The following CLSTN2 variants were observed in gnomAD, a reference collection of about 807,000 sequenced individuals.
CLSTN2 encodes the protein calsyntenin 2.
Under a neutral mutation model 101.2 loss-of-function variants are expected in CLSTN2, and 48 were observed. The observed-to-expected ratio is 0.47, with a 90% CI of 0.38 to 0.60. CLSTN2 has a LOEUF of 0.60. Among genes scored for constraint, CLSTN2 ranks in the 20% least tolerant of loss-of-function variants. The pLI, the probability that CLSTN2 is intolerant of heterozygous loss-of-function variation, is 0.00. For missense variants in CLSTN2, 1,160 were observed against 1,238.2 expected, an observed-to-expected ratio of 0.94 and a Z score of 0.95; for synonymous variants, 481 against 463.6, an observed-to-expected ratio of 1.04 and a Z score of -0.48.
chr3:140,203,880 G>A (rs1305401369), intron 2 of CLSTN2, among the ~76,000 whole-genome samples: 3 of 152,174 alleles, frequency 2.0e-5, no homozygotes, highest in Admixed American at 1.3e-4. Context: ...GCAAGATTCT[G>A]TCTAATTGGC....
intron 6 of CLSTN2, among the ~76,000 whole-genome samples, chr3:140,454,124 T>C (rs530551487): frequency 9.9e-5 from 15 of 152,218 alleles, no homozygotes; most frequent in Non-Finnish European, 1.6e-4. Context: ...CATACAACAG[T>C]GAAGGGCTGC....
chr3:140,231,593 G>A (rs2086372440), intron 2 of CLSTN2, among the ~76,000 whole-genome samples: 1 of 152,182 alleles, frequency 6.6e-6, no homozygotes. Flanking sequence ...ATAGAGGCCT[G>A]TATTCCTCTC....
At chr3:140,118,466 G>T (rs552919169) in intron 1 of CLSTN2, among the ~76,000 whole-genome samples, 1 of 152,302 alleles carries the variant, frequency 6.6e-6, no homozygotes, top group East Asian at 1.9e-4. Context: ...AAAGAGGAAT[G>T]CTCTGGAGGA....
chr3:140,182,056 G>C (rs2010416011), intron 2 of CLSTN2, among the ~76,000 whole-genome samples: 2 of 152,150 alleles, frequency 1.3e-5, no homozygotes, highest in South Asian at 4.1e-4. Flanking sequence ...CCAGGAGAAA[G>C]GTGCAGCTTG....
chr3:140,022,343 C>T (rs890490631), intron 1 of CLSTN2, among the ~76,000 whole-genome samples: 1 of 152,246 alleles, frequency 6.6e-6, no homozygotes, highest in African/African-American at 2.4e-5. Flanking sequence ...TGAGAGAGAA[C>T]ACTCCTGCCA....
intron 1 of CLSTN2, among the ~76,000 whole-genome samples, chr3:139,999,711 C>T (rs1393245915): frequency 6.6e-6 from 1 of 152,134 alleles, no homozygotes; most frequent in East Asian, 1.9e-4. Flanking sequence ...TTTGGTCTGA[C>T]ATATCTGTTA....
In CLSTN2 at chr3:140,292,196, C is replaced by A. The variant is rs368544876; in HGVS notation, c.233-111433C>A. 4.6e-5 allele frequency among the ~76,000 whole-genome samples: 7 copies of A among 152,262 alleles called. No individual in the cohort carries two copies. In the South Asian group the frequency reaches 1.5e-3, roughly 32 times the overall value. Reference sequence around the variant, plus strand: ...CCTTTCCTTGCTCAGGACACCCAAACCCTCTCACCTCTCTCCATTCCTCCA... The same window carrying A: ...CCTTTCCTTGCTCAGGACACCCAAAACCTCTCACCTCTCTCCATTCCTCCA... On this transcript the variant is annotated intron_variant, in intron 2 of 16. Transcript: ENST00000458420.
intron 8 of CLSTN2, among the ~76,000 whole-genome samples, chr3:140,532,030 T>C (rs1418615157): frequency 1.3e-5 from 2 of 152,136 alleles, no homozygotes; most frequent in Non-Finnish European, 2.9e-5. Context: ...TAGGACCCAC[T>C]TGTGGTTCTT....
At chr3:140,122,426 T>C (rs893780554) in intron 1 of CLSTN2, among the ~76,000 whole-genome samples, 1 of 152,224 alleles carries the variant, frequency 6.6e-6, no homozygotes, top group East Asian at 1.9e-4. Context: ...TGATAACCAC[T>C]AATGGAATCA....
chr3:140,561,652 C>A (rs1051290979), intron 12 of CLSTN2, among the ~76,000 whole-genome samples: 2 of 152,166 alleles, frequency 1.3e-5, no homozygotes, highest in Admixed American at 1.3e-4. Flanking sequence ...AGTGCTTCTG[C>A]CCTTCAGGAT....
intron 9 of CLSTN2, among the ~76,000 whole-genome samples, chr3:140,535,887 T>C (rs1372031451): frequency 1.3e-5 from 2 of 152,236 alleles, no homozygotes; most frequent in African/African-American, 2.4e-5. Flanking sequence ...TATGTAATTA[T>C]GTCTGGAAAA....
At chr3:140,274,894 C>G (rs373626219) in intron 2 of CLSTN2, among the ~76,000 whole-genome samples, 1 of 152,344 alleles carries the variant, frequency 6.6e-6, no homozygotes, top group Admixed American at 6.5e-5. Flanking sequence ...ACAGCCACTT[C>G]TGGCGAGCAT....
rs568921496 is a variant in CLSTN2, at chr3:140,321,157, A to G, written c.233-82472A>G. ...GGAAAAGATAGCTTCCCTTGGCTGT[A>G]TGATTCTATTCTGGGCAGAGTGCAG... On this transcript the variant is annotated intron_variant, in intron 2 of 16. Coordinates refer to ENST00000458420, the MANE Select transcript of CLSTN2 (RefSeq NM_022131.3). Among the ~76,000 whole-genome samples the G allele has an allele frequency of 2.6e-5, 4 of 152,288 alleles. No individual in the cohort carries two copies. The East Asian group carries it at 5.8e-4, about 22-fold the overall frequency.
At chr3:140,063,815 G>A (rs1481189622) in intron 1 of CLSTN2, among the ~76,000 whole-genome samples, 1 of 152,060 alleles carries the variant, frequency 6.6e-6, no homozygotes, top group African/African-American at 2.4e-5. Context: ...AGCCTCAGTT[G>A]ATTTATCTGT....
At chr3:140,369,615 C>A (rs1048010965) in intron 2 of CLSTN2, among the ~76,000 whole-genome samples, 2 of 152,110 alleles carry the variant, frequency 1.3e-5, no homozygotes, top group African/African-American at 4.8e-5. Context: ...GTCCTTTCAA[C>A]TTCTGCTTGG....
At chr3:140,082,334 G>A (rs1387947070) in intron 1 of CLSTN2, among the ~76,000 whole-genome samples, 1 of 152,164 alleles carries the variant, frequency 6.6e-6, no homozygotes, top group African/African-American at 2.4e-5. Context: ...GCTGGCAGGG[G>A]GAATGATGGG....
chr3:140,550,827 T>C (rs1935686731), intron 10 of CLSTN2, among the ~76,000 whole-genome samples: 1 of 151,122 alleles, frequency 6.6e-6, no homozygotes, highest in Admixed American at 6.6e-5. Context: ...TTTTATAACC[T>C]TTTTATAACC....
chr3:140,527,166 A>T (rs1002510449), intron 8 of CLSTN2, among the ~76,000 whole-genome samples: 4 of 152,198 alleles, frequency 2.6e-5, no homozygotes, highest in Non-Finnish European at 4.4e-5. Context: ...GGGAGAAAAT[A>T]TTAATAAACT....
At chr3:140,041,919 G>A (rs1439874811) in intron 1 of CLSTN2, among the ~76,000 whole-genome samples, 2 of 152,190 alleles carry the variant, frequency 1.3e-5, no homozygotes, top group African/African-American at 4.8e-5. Context: ...TATCAGCCAT[G>A]ATACCTCTCT....
Sources: allele counts gnomAD v4.1 joint callset (sites outside exome capture counted in the v4.1 genomes callset), GRCh38; gene constraint gnomAD v4.1.1; transcripts MANE v1.5; gene names NCBI Gene and HGNC (gene_info 2026-07-23, HGNC 2026-07-21).